EPHA7: variants seen among roughly 807,000 people sequenced by gnomAD.
EPHA7 encodes ephrin type-A receptor 7.
A neutral mutation model predicts 112.6 loss-of-function variants in EPHA7; 25 were observed. The ratio of observed to expected loss-of-function variants is 0.22; its 90% CI spans 0.16 to 0.31. The LOEUF (loss-of-function observed/expected upper bound fraction) is 0.31. Among genes scored for constraint, EPHA7 ranks in the 10% least tolerant of loss-of-function variants. The pLI, the probability that EPHA7 is intolerant of heterozygous loss-of-function variation, is 1.00. For missense variants in EPHA7, 962 were observed against 1,212.6 expected, an observed-to-expected ratio of 0.79 and a Z score of 3.07; for synonymous variants, 437 against 406.5, an observed-to-expected ratio of 1.07 and a Z score of -0.90.
At chr6:93,310,488 A>C (rs1773474099) in intron 5 of EPHA7, among the ~76,000 whole-genome samples, 1 of 152,068 alleles carries the variant, frequency 6.6e-6, no homozygotes, top group South Asian at 2.1e-4. Context: ...AAGATGGTGA[A>C]ATTGCGTCTC....
rs1769677588 is a variant in EPHA7 at position 93,241,272 on chromosome 6, A to G, written c.*2154T>C. The stretch of plus-strand genomic sequence containing the variant: ...GAACTTCATTATTAGTGAGTCTAGA[A>G]TCCAAAAGGAATTAAGAACACTCAC... On this transcript the variant is annotated 3_prime_UTR_variant, in exon 17 of 17. Coordinates refer to ENST00000369303, the MANE Select transcript of EPHA7 (RefSeq NM_004440.4). 1 of 220,814 alleles carries G rather than the reference A, an allele frequency of 4.5e-6. No individual in the cohort carries two copies. Among genetic ancestry groups the G allele is most frequent in the Non-Finnish European group, 9.1e-6 (1 of 110,044 alleles). 13.7% of individuals were successfully genotyped at this position (220,814 alleles called of 1,614,324 possible).
intron 5 of EPHA7, among the ~76,000 whole-genome samples, chr6:93,315,171 A>T (rs1773751059): frequency 6.6e-6 from 1 of 151,638 alleles, no homozygotes; most frequent in African/African-American, 2.4e-5. Flanking sequence ...CGACAATATA[A>T]TTTTCTTAAA....
At chr6:93,383,835 C>T (rs1414610178) in intron 3 of EPHA7, among the ~76,000 whole-genome samples, 1 of 152,074 alleles carries the variant, frequency 6.6e-6, no homozygotes, top group Non-Finnish European at 1.5e-5. Context: ...GTAGCTGAGG[C>T]TACAGGAGTG....
rs1175424292 is a variant in EPHA7 at position 93,419,451 on chromosome 6, C to A, written c.-110G>T. ...TTTATTGTGCTCCTTGCATCGATTC[C>A]CCTTCTCGGTCCCCGATCGGCTGCT... On this transcript the variant is annotated 5_prime_UTR_variant, in exon 1 of 17. Coordinates refer to ENST00000369303, the MANE Select transcript of EPHA7 (RefSeq NM_004440.4). 6 of 800,776 alleles carry A rather than the reference C, an allele frequency of 7.5e-6. No individual in the cohort carries two copies. The highest frequency in any genetic ancestry group is 1.2e-5 in the Non-Finnish European group (6 of 507,458). 49.6% of individuals were successfully genotyped at this position (800,776 alleles called of 1,614,324 possible).
At chr6:93,391,263 T>G (rs181128729) in intron 3 of EPHA7, among the ~76,000 whole-genome samples, 3 of 151,940 alleles carry the variant, frequency 2.0e-5, no homozygotes, top group African/African-American at 4.8e-5. Context: ...GAGGTCATTA[T>G]AGGAATAAAA....
At chr6:93,287,539 A>C (rs1172453843) in intron 5 of EPHA7, among the ~76,000 whole-genome samples, 1 of 136,158 alleles carries the variant, frequency 7.3e-6, no homozygotes, top group Non-Finnish European at 1.6e-5. Flanking sequence ...TTTTTTTTTT[A>C]ACTTTTATTT....
At chr6:93,327,038 G>A (rs1774357002) in intron 5 of EPHA7, among the ~76,000 whole-genome samples, 1 of 151,428 alleles carries the variant, frequency 6.6e-6, no homozygotes, top group Non-Finnish European at 1.5e-5. Flanking sequence ...CTAGAATTGG[G>A]CACAATATTC....
At position 93,258,239 on chromosome 6, in the gene EPHA7, T is replaced by G; in HGVS notation, c.1970A>C (p.Lys657Thr). Residue 657 changes from lysine to threonine, a missense_variant, in exon 11 of 17, where the codon AAA becomes ACA. Lys to Thr is a moderately conservative substitution (Grantham distance 78, BLOSUM62 -1). Around this residue, in one of 3 missense-constraint regions of EPHA7, gnomAD observed 746 missense variants for 889.2 expected, o/e 0.84. Coordinates refer to ENST00000369303, the MANE Select transcript of EPHA7 (RefSeq NM_004440.4). ...VCSGRLKLPG[K>T]RDVAVAIKTL... is the part of the protein sequence containing the mutation. The stretch of plus-strand genomic sequence containing the variant: ...TTTTATGGCTACTGCAACATCTCTT[T>G]TCCCTGGAAGTTTCAAACGGCCACT... The G allele has an allele frequency of 6.2e-7, 1 of 1,612,086 alleles. No individual in the cohort carries two copies. Among genetic ancestry groups the G allele is most frequent in the Non-Finnish European group, 8.5e-7 (1 of 1,178,980 alleles).
intron 3 of EPHA7, among the ~76,000 whole-genome samples, chr6:93,399,369 T>C (rs1174246261): frequency 6.6e-6 from 1 of 152,124 alleles, no homozygotes; most frequent in Non-Finnish European, 1.5e-5. Context: ...AAATATCTAC[T>C]TGAAAATAAA....
chr6:93,259,237 T>G, intron 10 of EPHA7, 117 bp downstream of exon 10: 1 of 1,289,968 alleles, frequency 7.8e-7, no homozygotes, highest in Non-Finnish European at 1.1e-6. Context: ...TTCCAACAGT[T>G]CAGGTAAATG....
chr6:93,316,530 A>G (rs1773821305), intron 5 of EPHA7, among the ~76,000 whole-genome samples: 1 of 152,122 alleles, frequency 6.6e-6, no homozygotes, highest in Non-Finnish European at 1.5e-5. Context: ...GTGTAACACT[A>G]TTTCTGTGAA....
chr6:93,352,160 C>T (rs965343858), intron 5 of EPHA7, among the ~76,000 whole-genome samples: 1 of 152,080 alleles, frequency 6.6e-6, no homozygotes, highest in Non-Finnish European at 1.5e-5. Context: ...AAACATGACA[C>T]AGTTCCTGAT....
At chr6:93,311,474 C>T (rs2127865591) in intron 5 of EPHA7, among the ~76,000 whole-genome samples, 1 of 152,272 alleles carries the variant, frequency 6.6e-6, no homozygotes, top group Admixed American at 6.5e-5. Flanking sequence ...AGCTCCTCAT[C>T]CATTGCAGTT....
intron 3 of EPHA7, among the ~76,000 whole-genome samples, chr6:93,391,841 A>C (rs2127981589): frequency 6.6e-6 from 1 of 151,932 alleles, no homozygotes; most frequent in South Asian, 2.1e-4. Flanking sequence ...CAATTACCTA[A>C]AAATAGAATA....
chr6:93,282,111 T>G (rs1156510769), intron 5 of EPHA7, among the ~76,000 whole-genome samples: 1 of 152,186 alleles, frequency 6.6e-6, no homozygotes, highest in East Asian at 1.9e-4. Flanking sequence ...TTCATAGATT[T>G]GGTTTACTTT....
intron 5 of EPHA7, among the ~76,000 whole-genome samples, chr6:93,313,325 T>G (rs1773634925): frequency 6.6e-6 from 1 of 152,124 alleles, no homozygotes; most frequent in South Asian, 2.1e-4. Flanking sequence ...GAGAAAATGA[T>G]GCTATGTGGT....
intron 5 of EPHA7, among the ~76,000 whole-genome samples, chr6:93,350,954 A>G (rs550339051): frequency 2.6e-4 from 39 of 152,142 alleles, no homozygotes; most frequent in African/African-American, 9.1e-4. Context: ...AGTTCATACC[A>G]TTATTCCATA....
At chr6:93,411,453 T>C (rs1186465769) in intron 2 of EPHA7, among the ~76,000 whole-genome samples, 3 of 152,182 alleles carry the variant, frequency 2.0e-5, no homozygotes, top group Non-Finnish European at 4.4e-5. Flanking sequence ...TTGCTTATGT[T>C]TATGTTCTCC....
intron 9 of EPHA7, among the ~76,000 whole-genome samples, chr6:93,259,979 T>A (rs1466847842): frequency 6.6e-6 from 1 of 151,910 alleles, no homozygotes; most frequent in African/African-American, 2.4e-5. Flanking sequence ...TTTATTTTTT[T>A]AAAGACCAAC....
Sources: allele counts gnomAD v4.1 joint callset (sites outside exome capture counted in the v4.1 genomes callset), GRCh38; gene constraint gnomAD v4.1.1; regional missense constraint gnomAD v4.1.1; transcripts MANE v1.5; gene names NCBI Gene and HGNC (gene_info 2026-07-23, HGNC 2026-07-21).